NCOA3: variants seen among roughly 807,000 people sequenced by gnomAD.
NCOA3 encodes CBP-interacting protein.
In NCOA3, 51 loss-of-function variants were observed where a neutral mutation model predicts 158.8. The observed-to-expected ratio is 0.32, with a 90% CI of 0.26 to 0.41. The LOEUF (loss-of-function observed/expected upper bound fraction) is 0.41, where lower values mean the gene tolerates loss of function less well. Among genes scored for constraint, NCOA3 ranks in the 10% least tolerant of loss-of-function variants. NCOA3 has a pLI of 1.00. For synonymous variants in NCOA3, 537 were observed against 592.4 expected (o/e 0.91, Z 1.36); for missense variants, 1,510 against 1,746.6 (o/e 0.86, Z 2.41).
At chr20:47,541,737 T>G (rs1169970898) in intron 1 of NCOA3, among the ~76,000 whole-genome samples, 1 of 151,678 alleles carries the variant, frequency 6.6e-6, no homozygotes, top group African/African-American at 2.4e-5. Context: ...TATAATTTCC[T>G]TAAGTATCTA....
chr20:47,563,451 G>T (rs962067077), intron 1 of NCOA3, among the ~76,000 whole-genome samples: 1 of 152,080 alleles, frequency 6.6e-6, no homozygotes, highest in African/African-American at 2.4e-5. Flanking sequence ...CTCAATTTTG[G>T]TGTGAACCTA....
chr20:47,548,252 T>C (rs940712736), intron 1 of NCOA3, among the ~76,000 whole-genome samples: 4 of 151,294 alleles, frequency 2.6e-5, no homozygotes, highest in Admixed American at 2.6e-4. Context: ...AAAAAAAAAA[T>C]TCATTCTAGG....
chr20:47,650,565 T>C (rs2086766129), intron 19 of NCOA3, among the ~76,000 whole-genome samples: 1 of 151,648 alleles, frequency 6.6e-6, no homozygotes, highest in African/African-American at 2.4e-5. Context: ...AGCTTTTATG[T>C]GAAGAATTGT....
At chr20:47,537,937 T>C (rs2425951) in intron 1 of NCOA3, among the ~76,000 whole-genome samples, 22,362 of 151,738 alleles carry the variant, frequency 0.15, 2,474 homozygotes, top group African/African-American at 0.3. Context: ...TGGAGTGAAG[T>C]GGCTCAATCT....
rs79190477 is a variant in NCOA3 at position 47,559,409 on chromosome 20, G to C, written c.-98-23774G>C. Among the ~76,000 whole-genome samples, 409 of 152,144 alleles carry C rather than the reference G, an allele frequency of 2.7e-3. 1 individual carries two copies. Among genetic ancestry groups the C allele is most frequent in the African/African-American group, 9.4e-3 (392 of 41,520 alleles). On this transcript the variant is annotated intron_variant, in intron 1 of 22. Coordinates refer to ENST00000371998, the MANE Select transcript of NCOA3 (RefSeq NM_181659.3). ...ATTTGGAGCAGGGGAGGGAGGTGGT[G>C]GCTAGCAGCTTCTTAGATGAGGGCA...
At chr20:47,610,896 AACTTTAGT>A (rs1198549523) in intron 2 of NCOA3, among the ~76,000 whole-genome samples, 1 of 152,216 alleles carries the variant, frequency 6.6e-6, no homozygotes, top group Non-Finnish European at 1.5e-5. Flanking sequence ...GGACAGGGCT[AACTTTAGT>A]ACTATAGTGG....
Position 47,649,070 on chromosome 20 carries a change from G to C in NCOA3, c.3612G>C (p.Ala1204=). ...AAAACCCTACTGCTGGTGGTGCTGC[G>C]GTGATGAGGCCTATGATGCAGCCCC... ...KMENPTAGGA[A]VMRPMMQPQV... is the part of the protein sequence containing the mutation. The change falls in exon 19 of 23, where the codon GCG becomes GCC. Residue 1204 remains alanine (A), a synonymous_variant. Transcript: ENST00000371998. The C allele has an allele frequency of 6.2e-7, 1 of 1,614,016 alleles. No homozygotes were observed. Among genetic ancestry groups the C allele is most frequent in the Non-Finnish European group, 8.5e-7 (1 of 1,179,934 alleles).
At chr20:47,612,867 T>A (rs2086066770) in intron 2 of NCOA3, among the ~76,000 whole-genome samples, 1 of 152,186 alleles carries the variant, frequency 6.6e-6, no homozygotes, top group Non-Finnish European at 1.5e-5. Flanking sequence ...TCTGTGAACT[T>A]CAACTCTGTT....
rs181657244 is a variant in NCOA3, at chr20:47,601,102, G to A, written c.-20+17841G>A. ...TTTAGCACATGATTCTGGAAGCTGG[G>A]AAGTCTGAGATCTGGTCAGCTTCTG... On this transcript the variant is annotated intron_variant, in intron 2 of 22. Coordinates refer to ENST00000371998, the MANE Select transcript of NCOA3 (RefSeq NM_181659.3). 4.2e-3 allele frequency among the ~76,000 whole-genome samples: 642 copies of A among 152,292 alleles called. 2 individuals are homozygous for A. The highest frequency in any genetic ancestry group is 6.8e-3 in the Non-Finnish European group (461 of 68,018).
intron 1 of NCOA3, among the ~76,000 whole-genome samples, chr20:47,542,483 T>C (rs1326338284): frequency 6.6e-6 from 1 of 152,200 alleles, no homozygotes; most frequent in Non-Finnish European, 1.5e-5. Context: ...AGTTATTTTT[T>C]ACAAGCATAT....
chr20:47,525,589 C>T (rs796102695), intron 1 of NCOA3, among the ~76,000 whole-genome samples: 15 of 117,208 alleles, frequency 1.3e-4, no homozygotes, highest in African/African-American at 3.2e-4. Context: ...CCCTCCTGGA[C>T]GGGGCGGCTG....
chr20:47,586,838 T>C (rs995066614), intron 2 of NCOA3, among the ~76,000 whole-genome samples: 4 of 152,238 alleles, frequency 2.6e-5, no homozygotes, highest in Admixed American at 2.6e-4. Context: ...GCAGGAATAC[T>C]GCATCCGCAA....
intron 1 of NCOA3, among the ~76,000 whole-genome samples, chr20:47,511,550 T>TATATATATATATATATATACACACACAC: frequency 1.9e-5 from 1 of 52,270 alleles, no homozygotes; most frequent in African/African-American, 5.4e-5. Context: ...TATATATATA[T>TATATATATATATATATATACACACACAC]ATATATTTCT....
At chr20:47,505,213 C>T (rs950761807) in intron 1 of NCOA3, among the ~76,000 whole-genome samples, 1 of 150,730 alleles carries the variant, frequency 6.6e-6, no homozygotes, top group South Asian at 2.1e-4. Context: ...AGGTGCGCAC[C>T]ACCACGCCCG....
intron 2 of NCOA3, among the ~76,000 whole-genome samples, chr20:47,591,795 T>C (rs2085646368): frequency 6.6e-6 from 1 of 151,946 alleles, no homozygotes. Flanking sequence ...GTATGTGTGG[T>C]CTTTTTTTCT....
rs2085831899 is a variant in NCOA3, at chr20:47,600,075, T to C, written c.-20+16814T>C. 4.6e-5 allele frequency among the ~76,000 whole-genome samples: 7 copies of C among 151,956 alleles called. No individual in the cohort carries two copies. In the South Asian group the frequency reaches 1.5e-3, roughly 31 times the overall value. ...AGTAGAAAAGCTCCAATTATTTTAC[T>C]TGAGATGATCTGATGGCTAATTCTC... On this transcript the variant is annotated intron_variant, in intron 2 of 22. Transcript: ENST00000371998.
chr20:47,601,345 C>T (rs892292721), intron 2 of NCOA3, among the ~76,000 whole-genome samples: 14 of 152,218 alleles, frequency 9.2e-5, no homozygotes, highest in East Asian at 1.9e-4. Context: ...TACCACATCG[C>T]GGACCAAGCC....
intron 2 of NCOA3, among the ~76,000 whole-genome samples, chr20:47,614,787 T>C (rs928922191): frequency 2.0e-5 from 3 of 152,136 alleles, no homozygotes; most frequent in African/African-American, 7.2e-5. Flanking sequence ...TTTAGTGACA[T>C]CGGTGGGTAA....
At chr20:47,592,344 C>T (rs1478656313) in intron 2 of NCOA3, among the ~76,000 whole-genome samples, 5 of 152,134 alleles carry the variant, frequency 3.3e-5, no homozygotes, top group African/African-American at 7.2e-5. Flanking sequence ...CAGGCCCAGC[C>T]GACCATTTGA....
Sources: allele counts gnomAD v4.1 joint callset (sites outside exome capture counted in the v4.1 genomes callset), GRCh38; gene constraint gnomAD v4.1.1; transcripts MANE v1.5; gene names NCBI Gene and HGNC (gene_info 2026-07-23, HGNC 2026-07-21).